The following POLA2 variants were observed in gnomAD, a reference collection of about 807,000 sequenced individuals.
POLA2 encodes DNA polymerase alpha 2, accessory subunit, also known as DNA polymerase alpha subunit B.
POLA2 carries 47 observed loss-of-function variants against 82.8 expected under a neutral mutation model. That is an observed-to-expected ratio of 0.57 (90% confidence interval 0.45 to 0.72). The LOEUF (loss-of-function observed/expected upper bound fraction) is 0.72, where lower values mean the gene tolerates loss of function less well. Among genes scored for constraint, POLA2 ranks in the 30% least tolerant of loss-of-function variants. POLA2 has a pLI of 0.00. For missense variants in POLA2, 634 were observed against 728.1 expected (o/e 0.87, Z 1.49); for synonymous variants, 287 against 286.8 (o/e 1.00, Z -0.01).
chr11:65,275,828 C>T, intron 4 of POLA2, 64 bp from the exon 5 acceptor site: 1 of 906,602 alleles, frequency 1.1e-6, no homozygotes, highest in Non-Finnish European at 1.8e-6. Context: ...TTCCAAGGTA[C>T]TATACACTTA....
intron 10 of POLA2, among the ~76,000 whole-genome samples, chr11:65,284,586 C>T (rs1251875630): frequency 1.3e-5 from 2 of 149,984 alleles, no homozygotes; most frequent in African/African-American, 2.5e-5. Context: ...TAGTGCAAGG[C>T]GCCATCTCGG....
At chr11:65,301,191 T>G, downstream of POLA2, among the ~76,000 whole-genome samples, 1 of 149,016 alleles carries the variant, frequency 6.7e-6, no homozygotes, top group African/African-American at 2.5e-5. Flanking sequence ...GAGAGAGGGG[T>G]AAAAGAAAAG....
At chr11:65,278,374 T>A (rs1949603063) in intron 5 of POLA2, among the ~76,000 whole-genome samples, 1 of 152,248 alleles carries the variant, frequency 6.6e-6, no homozygotes, top group South Asian at 2.1e-4. Context: ...TGCTAAAAAT[T>A]CATGAGAAGA....
intron 5 of POLA2, among the ~76,000 whole-genome samples, chr11:65,278,303 A>G (rs781176939): frequency 6.6e-5 from 10 of 152,142 alleles, no homozygotes; most frequent in Non-Finnish European, 1.5e-4. Context: ...GTGAGTTTTT[A>G]TATATGCTCA....
At chr11:65,293,419 G>A (rs1949775640) in intron 13 of POLA2, among the ~76,000 whole-genome samples, 1 of 152,028 alleles carries the variant, frequency 6.6e-6, no homozygotes, top group African/African-American at 2.4e-5. Flanking sequence ...AGACCAGCTT[G>A]GCCAACATGG....
At chr11:65,279,321 A>G (rs572865968) in intron 6 of POLA2, among the ~76,000 whole-genome samples, 24 of 152,240 alleles carry the variant, frequency 1.6e-4, no homozygotes, top group Non-Finnish European at 2.8e-4. Flanking sequence ...GAATTGTGCT[A>G]TGGGGTCTCC....
intron 13 of POLA2, 56 bp from the exon 14 acceptor site, chr11:65,294,097 C>A: frequency 1.4e-6 from 2 of 1,468,402 alleles, no homozygotes; most frequent in South Asian, 2.3e-5. Flanking sequence ...CGCAGCTGTT[C>A]TAACTCAACT....
intron 4 of POLA2, among the ~76,000 whole-genome samples, chr11:65,272,710 C>A (rs1415618259): frequency 6.6e-6 from 1 of 152,130 alleles, no homozygotes; most frequent in African/African-American, 2.4e-5. Flanking sequence ...GACTACATTT[C>A]TGATTAAAAA....
At chr11:65,291,403 C>T (rs1458891890) in intron 13 of POLA2, among the ~76,000 whole-genome samples, 2 of 152,218 alleles carry the variant, frequency 1.3e-5, no homozygotes, top group East Asian at 3.8e-4. Flanking sequence ...TCCCCCAACT[C>T]ACCCCAGAAT....
chr11:65,295,677 A>G lies in POLA2; in HGVS notation c.1520+78A>G. The G allele has an allele frequency of 2.9e-6, 4 of 1,362,350 alleles. No individual in the cohort carries two copies. The Admixed American group carries it at 5.0e-5, about 17-fold the overall frequency. The allele number at this position is 1,362,350 out of a possible 1,614,324, so 84.4% of individuals were successfully genotyped here. A position where few individuals can be genotyped will look rare whatever the true frequency, so the allele number is the denominator to read the frequency against. Reference sequence around the variant, plus strand: ...GAGCTATGACAAGCATGACTGTAAGAGCCTTCACCAGGCTACCAGCAGGGA... The same window carrying G: ...GAGCTATGACAAGCATGACTGTAAGGGCCTTCACCAGGCTACCAGCAGGGA... On this transcript the variant is annotated intron_variant, in intron 16 of 17. Coordinates refer to ENST00000265465, the MANE Select transcript of POLA2 (RefSeq NM_002689.4).
chr11:65,289,239 A>G (rs1374909117), intron 12 of POLA2, 151 bp downstream of exon 12: 2 of 621,430 alleles, frequency 3.2e-6, no homozygotes, highest in African/African-American at 1.9e-5. Context: ...CTTTATTAAT[A>G]AAGATCTGGA....
chr11:65,275,184 A>G (rs1201816513), intron 4 of POLA2, among the ~76,000 whole-genome samples: 1 of 152,168 alleles, frequency 6.6e-6, no homozygotes, highest in African/African-American at 2.4e-5. Context: ...TTAAACTTGC[A>G]GCCAGGAGGA....
chr11:65,302,070 C>A (rs192864099), downstream of POLA2, among the ~76,000 whole-genome samples: 1,338 of 152,280 alleles, frequency 8.8e-3, 5 homozygotes, highest in Non-Finnish European at 0.013. Flanking sequence ...GGCAAAGGGG[C>A]CCCTGGGAGG....
chr11:65,262,428 C>T, intron 1 of POLA2, 57 bp downstream of exon 1: 2 of 1,458,796 alleles, frequency 1.4e-6, no homozygotes, highest in South Asian at 1.2e-5. Context: ...GCCCGAGTTC[C>T]TCGGCGCCTA....
intron 9 of POLA2, 101 bp downstream of exon 9, chr11:65,281,833 T>C: frequency 1.1e-6 from 1 of 945,294 alleles, no homozygotes; most frequent in Non-Finnish European, 1.7e-6. Flanking sequence ...AGCCCATTTA[T>C]TTGTTAGTCA....
At chr11:65,290,104 C>T (rs1949738836) in intron 13 of POLA2, among the ~76,000 whole-genome samples, 1 of 151,534 alleles carries the variant, frequency 6.6e-6, no homozygotes, top group South Asian at 2.1e-4. Context: ...CAGAATTAGC[C>T]AGGCGTGGCG....
intron 9 of POLA2, 96 bp downstream of exon 9, chr11:65,281,828 A>G (rs1017571676): frequency 1.0e-6 from 1 of 986,010 alleles, no homozygotes; most frequent in South Asian, 1.3e-5. Flanking sequence ...TTAGGAGCCC[A>G]TTTATTTGTT....
chr11:65,290,248 CA>C (rs34183279), intron 13 of POLA2, among the ~76,000 whole-genome samples: 18,117 of 71,208 alleles, frequency 0.25, 1,266 homozygotes, highest in African/African-American at 0.34. Flanking sequence ...AACTCCATCT[CA>C]AAAAAAAAAA....
chr11:65,269,925 C>T (rs1195052255), intron 4 of POLA2, among the ~76,000 whole-genome samples: 1 of 152,200 alleles, frequency 6.6e-6, no homozygotes, highest in Non-Finnish European at 1.5e-5. Flanking sequence ...ACCTCCGCCT[C>T]CCGGGTTCAA....
Sources: gnomAD v4.1 joint callset for allele counts (sites outside exome capture counted in the v4.1 genomes callset) on GRCh38, gnomAD v4.1.1 for gene constraint, MANE v1.5 for transcripts, NCBI Gene and HGNC (gene_info 2026-07-23, HGNC 2026-07-21) for gene names.